Variants in NRP2 observed in about 807,000 individuals in gnomAD.
The protein encoded by NRP2 is neuropilin-2.
Under a neutral mutation model 110.4 loss-of-function variants are expected in NRP2, and 52 were observed. That is an observed-to-expected ratio of 0.47 (90% CI 0.38 to 0.59). The LOEUF (loss-of-function observed/expected upper bound fraction) is 0.59. NRP2 is among the 20% of genes least tolerant of loss of function. The pLI, the probability that NRP2 is intolerant of heterozygous loss-of-function variation, is 0.00. For synonymous variants in NRP2, 508 were observed against 468.9 expected (o/e 1.08, Z -1.08); for missense variants, 1,049 against 1,203.0 (o/e 0.87, Z 1.89).
At chr2:205,780,208 G>C (rs553441213) in intron 15 of NRP2, among the ~76,000 whole-genome samples, 1 of 152,260 alleles carries the variant, frequency 6.6e-6, no homozygotes, top group African/African-American at 2.4e-5. Flanking sequence ...CGCTTTCCCA[G>C]ACAAAACGGG....
intron 7 of NRP2, among the ~76,000 whole-genome samples, chr2:205,734,407 C>CA (rs2057304263): frequency 6.9e-6 from 1 of 145,376 alleles, no homozygotes; most frequent in South Asian, 2.1e-4. Flanking sequence ...CCGCCCCCCC[C>CA]CACCCCGCAT....
At chr2:205,789,717 C>T (rs2058276750) in intron 15 of NRP2, among the ~76,000 whole-genome samples, 1 of 152,150 alleles carries the variant, frequency 6.6e-6, no homozygotes, top group African/African-American at 2.4e-5. Flanking sequence ...CCTGCCACAC[C>T]TTGCCTATTC....
chr2:205,752,967 C>T lies in NRP2; in HGVS notation c.2036C>T (p.Thr679Met), dbSNP rs546006326. Residue 679 changes from threonine to methionine, a missense_variant, in exon 12 of 17, where the codon ACG becomes ATG. Transcript: ENST00000357785. The stretch of plus-strand genomic sequence containing the variant: ...AGCAGCTCCAGCCCAAACGACCGGA[C>T]GTTTCCAGGTAAGCCAGCTGTGAGT... Reference protein sequence around the residue: ...WASSSSPNDRTFPDDRNFLRL... With the variant: ...WASSSSPNDRMFPDDRNFLRL... 1.2e-5 allele frequency: 19 copies of T among 1,613,324 alleles called. No homozygotes were observed. The highest frequency in any genetic ancestry group is 6.6e-5 in the South Asian group (6 of 91,056).
At chr2:205,693,011 A>G (rs541413954) in intron 1 of NRP2, among the ~76,000 whole-genome samples, 25 of 152,304 alleles carry the variant, frequency 1.6e-4, no homozygotes, top group Admixed American at 4.6e-4. Context: ...TCCTGCTCCA[A>G]TGCTATTTCT....
intron 12 of NRP2, among the ~76,000 whole-genome samples, chr2:205,756,125 T>C (rs1351488065): frequency 6.6e-6 from 1 of 152,190 alleles, no homozygotes; most frequent in East Asian, 1.9e-4. Context: ...TTTTTGTTTT[T>C]CAAGATAGTC....
rs1170882967 is a variant in NRP2, at chr2:205,795,786, C to T, written c.*728C>T. On this transcript the variant is annotated 3_prime_UTR_variant, in exon 17 of 17. Transcript: ENST00000357785. ...AAAACAAACTGGAAAGGAAACTTCACACGTCAAAATCCATAGAAGCGCCTG... is the reference window on the plus strand; with the variant it reads ...AAAACAAACTGGAAAGGAAACTTCATACGTCAAAATCCATAGAAGCGCCTG... 1 of 152,638 alleles carries T rather than the reference C, an allele frequency of 6.6e-6. No homozygotes were observed. The highest frequency in any genetic ancestry group is 1.5e-5 in the Non-Finnish European group (1 of 68,054). The allele number at this position is 152,638 out of a possible 1,614,324, so 9.5% of individuals were successfully genotyped here.
At chr2:205,778,544 C>T (rs981567053) in intron 15 of NRP2, 2 of 152,202 alleles carry the variant, frequency 1.3e-5, no homozygotes, top group African/African-American at 4.8e-5. Flanking sequence ...ATATGCCACT[C>T]ATTAAGGGCT....
chr2:205,692,802 C>A (rs7574425), intron 1 of NRP2, among the ~76,000 whole-genome samples: 7 of 152,118 alleles, frequency 4.6e-5, no homozygotes, highest in Non-Finnish European at 8.8e-5. Flanking sequence ...CTTTTGAATT[C>A]TTGGCTCAAT....
At chr2:205,726,775 G>A (rs747653928) in intron 6 of NRP2, among the ~76,000 whole-genome samples, 1 of 152,154 alleles carries the variant, frequency 6.6e-6, no homozygotes, top group African/African-American at 2.4e-5. Flanking sequence ...TATGACACAC[G>A]TAAGACAGCC....
intron 11 of NRP2, chr2:205,752,621 T>C (rs2057666615): frequency 5.2e-6 from 3 of 579,000 alleles, no homozygotes; most frequent in Admixed American, 2.8e-5. Context: ...TGGGAACCAC[T>C]GGCAGACTTG....
Position 205,722,592 on chromosome 2 carries a change from C to A in NRP2, c.548C>A (p.Pro183His). 1 of 1,614,206 alleles carries A rather than the reference C, an allele frequency of 6.2e-7. No homozygotes were observed. Among genetic ancestry groups the A allele is most frequent in the Middle Eastern group, 1.6e-4 (1 of 6,062 alleles). The change falls in exon 4 of 17, where the codon CCC becomes CAC. Residue 183 changes from proline to histidine, a missense_variant. By Grantham distance (77) the Pro-to-His change is moderately conservative. Transcript: ENST00000357785. ...LDCTFTILAK[P>H]KMEIILQFLI... ...TGCACCTTTACCATCCTGGCCAAAC[C>A]CAAGATGGAGATCATCCTGCAGTTC...
chr2:205,728,846 G>T (rs917449237), intron 7 of NRP2, among the ~76,000 whole-genome samples: 1 of 152,244 alleles, frequency 6.6e-6, no homozygotes, highest in African/African-American at 2.4e-5. Context: ...GGAACACAGG[G>T]CACGATGCCC....
In NRP2 at chr2:205,718,798, C is replaced by T. The variant is rs564163460; in HGVS notation, c.433+2424C>T. ...CTCTACTGAAAATACAAAACTTAGC[C>T]GGGCATGGTGGCACGTGCCTGTAAT... On this transcript the variant is annotated intron_variant, in intron 3 of 16. Coordinates refer to ENST00000357785, the MANE Select transcript of NRP2 (RefSeq NM_003872.3). 2.6e-5 allele frequency among the ~76,000 whole-genome samples: 4 copies of T among 152,146 alleles called. No individual in the cohort carries two copies. In the South Asian group the frequency reaches 6.2e-4, roughly 24 times the overall value.
chr2:205,743,630 G>A, intron 9 of NRP2, 78 bp downstream of exon 9: 1 of 1,563,624 alleles, frequency 6.4e-7, no homozygotes, highest in Non-Finnish European at 8.7e-7. Context: ...TGAGACTGAT[G>A]ATGTCCCATC....
At chr2:205,685,143 T>G (rs780157140) in intron 1 of NRP2, among the ~76,000 whole-genome samples, 10 of 152,230 alleles carry the variant, frequency 6.6e-5, no homozygotes, top group Non-Finnish European at 1.5e-4. Flanking sequence ...ACTCCCGCTC[T>G]GCCACCTGCC....
intron 8 of NRP2, among the ~76,000 whole-genome samples, chr2:205,742,189 C>T (rs1448991119): frequency 2.6e-5 from 4 of 152,190 alleles, no homozygotes; most frequent in African/African-American, 9.6e-5. Flanking sequence ...ATCCATAGCT[C>T]AGTTTGCAAG....
At chr2:205,689,165 A>G (rs2056248811) in intron 1 of NRP2, among the ~76,000 whole-genome samples, 1 of 152,210 alleles carries the variant, frequency 6.6e-6, no homozygotes, top group South Asian at 2.1e-4. Flanking sequence ...AATGCTACCA[A>G]GTAGGTTTGC....
At chr2:205,729,575 G>C (rs1465845098) in intron 7 of NRP2, among the ~76,000 whole-genome samples, 1 of 152,190 alleles carries the variant, frequency 6.6e-6, no homozygotes, top group South Asian at 2.1e-4. Flanking sequence ...GAGAGGAGTG[G>C]GGCTCACCTG....
At position 205,696,399 on chromosome 2, in the gene NRP2, C is replaced by T. The variant is rs572874768; in HGVS notation, c.74-1145C>T. ...CTCCATGCAGATGGCGATATTAAAT[C>T]GTGATTGATGCTAAGAGACACACAC... is the stretch of plus-strand genomic sequence containing the variant. On this transcript the variant is annotated intron_variant, in intron 1 of 16. Coordinates refer to ENST00000357785, the MANE Select transcript of NRP2 (RefSeq NM_003872.3). Among the ~76,000 whole-genome samples, 5 of 152,318 alleles carry T rather than the reference C, an allele frequency of 3.3e-5. No individual in the cohort carries two copies. The East Asian group carries it at 9.7e-4, about 29-fold the overall frequency.
Sources: allele counts gnomAD v4.1 joint callset (sites outside exome capture counted in the v4.1 genomes callset), GRCh38; gene constraint gnomAD v4.1.1; transcripts MANE v1.5; gene names NCBI Gene and HGNC (gene_info 2026-07-23, HGNC 2026-07-21).